RAPGEF2: variants seen among roughly 807,000 people sequenced by gnomAD.
RAPGEF2 encodes the protein PDZ domain containing guanine nucleotide exchange factor (GEF) 1.
In RAPGEF2, 54 loss-of-function variants were observed where a neutral mutation model predicts 186.7. The ratio of observed to expected loss-of-function variants is 0.29; its 90% CI spans 0.23 to 0.36. RAPGEF2 has a LOEUF of 0.36. Among genes scored for constraint, RAPGEF2 ranks in the 10% least tolerant of loss-of-function variants. The pLI, the probability that RAPGEF2 is intolerant of heterozygous loss-of-function variation, is 1.00. For synonymous variants in RAPGEF2, 712 were observed against 705.9 expected (o/e 1.01, Z -0.14); for missense variants, 1,532 against 2,045.0 (o/e 0.75, Z 4.84).
At chr4:159,284,369 C>T (rs1030807965) in intron 7 of RAPGEF2, among the ~76,000 whole-genome samples, 8 of 152,074 alleles carry the variant, frequency 5.3e-5, no homozygotes, top group Admixed American at 6.6e-5. Flanking sequence ...TCCAAGGAAT[C>T]CTTCAGGAAT....
At chr4:159,144,904 T>C (rs1342249506) in intron 1 of RAPGEF2, among the ~76,000 whole-genome samples, 1 of 77,208 alleles carries the variant, frequency 1.3e-5, no homozygotes, top group Non-Finnish European at 2.8e-5. Flanking sequence ...TTTTTTTTTT[T>C]TGAGACAGTG....
chr4:159,181,875 A>G (rs992853968), intron 1 of RAPGEF2, among the ~76,000 whole-genome samples: 2 of 152,126 alleles, frequency 1.3e-5, no homozygotes, highest in East Asian at 1.9e-4. Context: ...AACAACTTCA[A>G]GTAACATACA....
rs1206626176 is a variant in RAPGEF2, at chr4:159,359,794, A to T, written c.*1655A>T. ...ATATGCATTATTTGCCAGTTTTATT[A>T]TATAGGCTATGGACCTCATGTGCAT... On this transcript the variant is annotated 3_prime_UTR_variant, in exon 30 of 30. Coordinates refer to ENST00000691494, the MANE Select transcript of RAPGEF2 (RefSeq NM_001394067.2). 1 of 152,216 alleles carries T rather than the reference A, an allele frequency of 6.6e-6. No homozygotes were observed. The highest frequency in any genetic ancestry group is 6.5e-5 in the Admixed American group (1 of 15,280). The allele number at this position is 152,216 out of a possible 1,614,324, so 9.4% of individuals were successfully genotyped here.
intron 8 of RAPGEF2, among the ~76,000 whole-genome samples, chr4:159,310,931 TTTTATC>T (rs1334398163): frequency 6.6e-6 from 1 of 152,112 alleles, no homozygotes; most frequent in Non-Finnish European, 1.5e-5. Flanking sequence ...TATTTAAACT[TTTTATC>T]TTTTATGACT....
chr4:159,170,986 C>T (rs1745856037), intron 1 of RAPGEF2, among the ~76,000 whole-genome samples: 2 of 152,002 alleles, frequency 1.3e-5, no homozygotes, highest in South Asian at 4.2e-4. Context: ...CTCTTGGTAC[C>T]TTTTTTGAGA....
chr4:159,277,168 G>A (rs1200574043), intron 7 of RAPGEF2, among the ~76,000 whole-genome samples: 1 of 150,344 alleles, frequency 6.7e-6, no homozygotes, highest in Non-Finnish European at 1.5e-5. Context: ...GTGAGAACAT[G>A]CAGTGTTTGG....
At position 159,104,291 on chromosome 4, in the gene RAPGEF2, C is replaced by T. The variant is rs971155834; in HGVS notation, c.69+60C>T. ...TTTCTGCCTCGCAGGCTGCGTCTTC[C>T]CCTGTCCCCCCACCTCCTTCCTGAC... On this transcript the variant is annotated intron_variant, in intron 1 of 29. Transcript: ENST00000691494. 24 of 838,810 alleles carry T rather than the reference C, an allele frequency of 2.9e-5. No homozygotes were observed. In the African/African-American group the frequency reaches 4.3e-4, roughly 15 times the overall value. The allele number at this position is 838,810 out of a possible 1,614,324, so 52.0% of individuals were successfully genotyped here.
At chr4:159,337,979 G>A (rs1391121499) in intron 17 of RAPGEF2, among the ~76,000 whole-genome samples, 3 of 151,268 alleles carry the variant, frequency 2.0e-5, no homozygotes, top group African/African-American at 7.3e-5. Flanking sequence ...ATGAGGCTGG[G>A]TGCTGTGACT....
chr4:159,205,227 C>A (rs1424779649), intron 3 of RAPGEF2, among the ~76,000 whole-genome samples: 2 of 152,110 alleles, frequency 1.3e-5, no homozygotes, highest in Non-Finnish European at 2.9e-5. Flanking sequence ...TTTGATGGAT[C>A]TCCTATCTAA....
rs57748987 is a variant in RAPGEF2, at chr4:159,348,242, A to AGATGGATGGATG, written c.3712+1276_3712+1287dup. ...TCGATAGATAGATAGATAGATAGAT[A>AGATGGATGGATG]GATGGATGGATGGATGGATGGATGG... On this transcript the variant is annotated intron_variant, in intron 25 of 29. Transcript: ENST00000691494. Among the ~76,000 whole-genome samples the AGATGGATGGATG allele has an allele frequency of 2.8e-3, 401 of 145,062 alleles. 3 individuals carry two copies. Among genetic ancestry groups the AGATGGATGGATG allele is most frequent in the Admixed American group, 4.4e-3 (66 of 14,902 alleles).
intron 10 of RAPGEF2, 115 bp downstream of exon 10, chr4:159,322,598 T>G: frequency 1.2e-6 from 1 of 803,100 alleles, no homozygotes; most frequent in Non-Finnish European, 2.0e-6. Flanking sequence ...AACAGTAAGT[T>G]TGAATAATTC....
chr4:159,186,833 G>T, intron 2 of RAPGEF2, 121 bp downstream of exon 2: 3 of 534,504 alleles, frequency 5.6e-6, no homozygotes, highest in Non-Finnish European at 9.5e-6. Flanking sequence ...ATATTCGTGG[G>T]GTACATTCTG....
At chr4:159,207,886 C>T (rs552140685) in intron 3 of RAPGEF2, among the ~76,000 whole-genome samples, 1 of 152,236 alleles carries the variant, frequency 6.6e-6, no homozygotes, top group South Asian at 2.1e-4. Context: ...ATAATGCTGT[C>T]ATATTAATAA....
intron 1 of RAPGEF2, among the ~76,000 whole-genome samples, chr4:159,172,052 C>T (rs1745964274): frequency 6.6e-6 from 1 of 151,836 alleles, no homozygotes; most frequent in South Asian, 2.1e-4. Context: ...GGTTACAGTC[C>T]CACAATAAAG....
chr4:159,297,542 A>G (rs563069933), intron 7 of RAPGEF2, among the ~76,000 whole-genome samples: 2 of 152,348 alleles, frequency 1.3e-5, no homozygotes, highest in South Asian at 2.1e-4. Context: ...ATGAAAATGA[A>G]GTTATTTAGT....
intron 23 of RAPGEF2, among the ~76,000 whole-genome samples, chr4:159,344,720 A>G (rs1006136080): frequency 1.3e-5 from 2 of 152,238 alleles, no homozygotes; most frequent in African/African-American, 4.8e-5. Flanking sequence ...AAATTTATGT[A>G]TAATATCCTC....
Position 159,331,555 on chromosome 4 carries a change from T to G in RAPGEF2, c.1575+17T>G, listed in dbSNP as rs201581150. On this transcript the variant is annotated intron_variant, in intron 14 of 29. Coordinates refer to ENST00000691494, the MANE Select transcript of RAPGEF2 (RefSeq NM_001394067.2). ...GAAAGAGAGGTAATATTTGTGGTTT[T>G]TTTTAAGATCAGCTTAAAGTTCATT... The G allele has an allele frequency of 2.1e-5, 34 of 1,611,574 alleles. No homozygotes were observed. The African/African-American group carries it at 3.6e-4, about 17-fold the overall frequency.
intron 1 of RAPGEF2, among the ~76,000 whole-genome samples, chr4:159,129,780 C>T (rs58058415): frequency 0.18 from 27,271 of 151,960 alleles, 2,521 homozygotes; most frequent in Admixed American, 0.24. Flanking sequence ...GGTCCCAATC[C>T]GGACCCTGAA....
chr4:159,294,850 G>A (rs144655893), intron 7 of RAPGEF2, among the ~76,000 whole-genome samples: 3,796 of 152,030 alleles, frequency 0.025, 163 homozygotes, highest in African/African-American at 0.087. Context: ...ATGCCACCAC[G>A]CCTGGCTAAT....
Sources: allele counts gnomAD v4.1 joint callset (sites outside exome capture counted in the v4.1 genomes callset), GRCh38; gene constraint gnomAD v4.1.1; transcripts MANE v1.5; gene names NCBI Gene and HGNC (gene_info 2026-07-23, HGNC 2026-07-21).